DPP6: variants seen among roughly 807,000 people sequenced by gnomAD.
The protein encoded by DPP6 is A-type potassium channel modulatory protein DPP6.
In DPP6, 69 loss-of-function variants were observed where a neutral mutation model predicts 122.6. That is an observed-to-expected ratio of 0.56 (90% CI 0.46 to 0.69). DPP6 has a LOEUF of 0.69. DPP6 is among the 30% of genes least tolerant of loss of function. DPP6 has a pLI of 0.00. For missense variants in DPP6, 928 were observed against 1,116.9 expected (o/e 0.83, Z 2.41); for synonymous variants, 418 against 433.1 (o/e 0.97, Z 0.43).
chr7:153,941,321 A>G (rs1015390865), intron 1 of DPP6, among the ~76,000 whole-genome samples: 3 of 152,324 alleles, frequency 2.0e-5, no homozygotes, highest in Admixed American at 6.5e-5. Context: ...TGACACAGCC[A>G]TGGCATTTTC....
intron 1 of DPP6, among the ~76,000 whole-genome samples, chr7:154,098,504 G>C (rs1805497661): frequency 6.6e-6 from 1 of 152,106 alleles, no homozygotes; most frequent in Admixed American, 6.5e-5. Context: ...GGTCTAGGCA[G>C]GTAATTAGAG....
chr7:153,787,837 CTT>C, the DPP6 span, among the ~76,000 whole-genome samples: 113 of 139,338 alleles, frequency 8.1e-4, no homozygotes, highest in Middle Eastern at 3.6e-3. Context: ...TTTACAATTT[CTT>C]TTTTTTTTTT....
intron 1 of DPP6, among the ~76,000 whole-genome samples, chr7:154,134,253 A>G (rs577903137): frequency 1.3e-5 from 2 of 152,276 alleles, no homozygotes; most frequent in African/African-American, 4.8e-5. Flanking sequence ...TCTTTCCAGC[A>G]CAAACACCAG....
chr7:153,850,018 T>C, the DPP6 span, among the ~76,000 whole-genome samples: 13 of 152,230 alleles, frequency 8.5e-5, no homozygotes, highest in South Asian at 2.1e-4. Flanking sequence ...CATTATTTTG[T>C]GCCTCCTTCT....
intron 1 of DPP6, chr7:154,095,125 A>G (rs1289091141): frequency 1.3e-5 from 2 of 151,814 alleles, no homozygotes; most frequent in African/African-American, 4.8e-5. Context: ...CAGGCATGGC[A>G]TGCGTGATTT....
chr7:154,690,722 A>G (rs3807241), intron 7 of DPP6, among the ~76,000 whole-genome samples: 129,017 of 152,066 alleles, frequency 0.85, 55,658 homozygotes, highest in East Asian at 0.94. Context: ...ACACCCCACT[A>G]TGAGGCTGCC....
At chr7:154,343,986 G>A (rs1323613480) in intron 1 of DPP6, among the ~76,000 whole-genome samples, 1 of 152,114 alleles carries the variant, frequency 6.6e-6, no homozygotes, top group Non-Finnish European at 1.5e-5. Context: ...AAAGTGCTCG[G>A]ATTATAGGCG....
intron 1 of DPP6, among the ~76,000 whole-genome samples, chr7:154,418,819 A>C (rs531465872): frequency 8.5e-5 from 13 of 152,344 alleles, no homozygotes; most frequent in Middle Eastern, 3.4e-3. Flanking sequence ...CATCAACTAA[A>C]ATAAGCACCA....
At chr7:154,522,518 C>T (rs1332754233) in intron 3 of DPP6, among the ~76,000 whole-genome samples, 1 of 152,156 alleles carries the variant, frequency 6.6e-6, no homozygotes, top group African/African-American at 2.4e-5. Flanking sequence ...CAAGGCTGTA[C>T]CACCTTGGTT....
At chr7:154,465,970 A>G (rs1161726628) in intron 2 of DPP6, among the ~76,000 whole-genome samples, 2 of 152,236 alleles carry the variant, frequency 1.3e-5, no homozygotes, top group African/African-American at 2.4e-5. Flanking sequence ...ATGCCCATCA[A>G]TGTTAGACTG....
intron 1 of DPP6, among the ~76,000 whole-genome samples, chr7:154,211,415 G>T (rs562784730): frequency 6.6e-6 from 1 of 152,160 alleles, no homozygotes; most frequent in African/African-American, 2.4e-5. Flanking sequence ...CACCCCTCAC[G>T]TCCATCTCCA....
At chr7:154,807,895 A>G (rs1291117973) in intron 16 of DPP6, among the ~76,000 whole-genome samples, 2 of 152,210 alleles carry the variant, frequency 1.3e-5, no homozygotes, top group Admixed American at 1.3e-4. Flanking sequence ...CTATGTCCCA[A>G]TTCATTGATA....
intron 1 of DPP6, chr7:154,093,596 C>CCCCACACACACACCATACACACA (rs1805053104): frequency 8.5e-6 from 1 of 118,122 alleles, no homozygotes. Context: ...ACACACCATA[C>CCCCACACACACACCATACACACA]CCCACACACA....
intron 16 of DPP6, among the ~76,000 whole-genome samples, chr7:154,822,255 G>T (rs1489775343): frequency 3.3e-5 from 5 of 152,164 alleles, no homozygotes; most frequent in Admixed American, 1.3e-4. Flanking sequence ...CATAAACTGG[G>T]CAGTGTCTAA....
chr7:154,872,828 GT>G, intron 19 of DPP6, 135 bp downstream of exon 19: 1 of 1,482,938 alleles, frequency 6.7e-7, no homozygotes. Context: ...ACATAACATC[GT>G]TTAGCCCAAT....
the DPP6 span, among the ~76,000 whole-genome samples, chr7:153,849,986 A>AT: frequency 6.6e-6 from 1 of 152,126 alleles, no homozygotes; most frequent in Non-Finnish European, 1.5e-5. Flanking sequence ...GAATATTAAT[A>AT]TTTTGCATCA....
rs1217111225 is a variant in DPP6 at position 154,219,919 on chromosome 7, AAC to A, written c.243+166857_243+166858del. On this transcript the variant is annotated intron_variant, in intron 1 of 25. Transcript: ENST00000377770. ...CTACTTTATTAAGCAAAGGCTGCCA[AAC>A]CATTTCATTTGTGATTCTGTGATTC... is the stretch of plus-strand genomic sequence containing the variant. Among the ~76,000 whole-genome samples the A allele has an allele frequency of 2.0e-5, 3 of 152,188 alleles. No individual in the cohort carries two copies. In the East Asian group the frequency reaches 5.8e-4, roughly 29 times the overall value.
At chr7:154,574,699 TG>T (rs1427649540) in intron 5 of DPP6, among the ~76,000 whole-genome samples, 4 of 135,768 alleles carry the variant, frequency 2.9e-5, no homozygotes, top group Admixed American at 7.6e-5. Context: ...TATATGTGTG[TG>T]GTGTGTGTGT....
chr7:154,872,105 G>A (rs2150639196), intron 18 of DPP6, among the ~76,000 whole-genome samples: 1 of 152,282 alleles, frequency 6.6e-6, no homozygotes, highest in South Asian at 2.1e-4. Flanking sequence ...CCAACAGCAA[G>A]ACCCACAGAT....
Sources: allele counts gnomAD v4.1 joint callset (sites outside exome capture counted in the v4.1 genomes callset), GRCh38; gene constraint gnomAD v4.1.1; transcripts MANE v1.5; gene names NCBI Gene and HGNC (gene_info 2026-07-23, HGNC 2026-07-21).